Variants in CLSTN2 observed in about 807,000 individuals in gnomAD.
The protein encoded by CLSTN2 is calsyntenin 2.
Under a neutral mutation model 101.2 loss-of-function variants are expected in CLSTN2, and 48 were observed. That is an observed-to-expected ratio of 0.47 (90% CI 0.38 to 0.60). CLSTN2 has a LOEUF of 0.60. CLSTN2 is among the 20% of genes least tolerant of loss of function. CLSTN2 has a pLI of 0.00. For synonymous variants in CLSTN2, 481 were observed against 463.6 expected, an observed-to-expected ratio of 1.04 and a Z score of -0.48; for missense variants, 1,160 against 1,238.2, an observed-to-expected ratio of 0.94 and a Z score of 0.95.
chr3:140,514,688 C>A (rs1369443536), intron 8 of CLSTN2, among the ~76,000 whole-genome samples: 1 of 152,050 alleles, frequency 6.6e-6, no homozygotes, highest in Non-Finnish European at 1.5e-5. Context: ...ACTTTTAGTT[C>A]TTTGAGGGAT....
At chr3:140,366,888 G>A (rs1000719101) in intron 2 of CLSTN2, among the ~76,000 whole-genome samples, 3 of 152,196 alleles carry the variant, frequency 2.0e-5, no homozygotes, top group African/African-American at 7.2e-5. Flanking sequence ...TGAATGACAA[G>A]GCTGCTCTTA....
intron 2 of CLSTN2, among the ~76,000 whole-genome samples, chr3:140,193,261 G>GTTTTTTTTTTTTTTTTT (rs367933711): frequency 9.1e-5 from 8 of 87,442 alleles, no homozygotes; most frequent in East Asian, 7.3e-4. Flanking sequence ...CTTTTTTATA[G>GTTTTTTTTTTTTTTTTT]TTTTTTTTTT....
At position 140,518,954 on chromosome 3, in the gene CLSTN2, T is replaced by C. The variant is rs370382894; in HGVS notation, c.1345-13370T>C. On this transcript the variant is annotated intron_variant, in intron 8 of 16. Transcript: ENST00000458420. ...ACTTGATATCTTTCTAGCTTTTTGA[T>C]GTGGGCATTTAGTGCTATAAATTTC... is the stretch of plus-strand genomic sequence containing the variant. Among the ~76,000 whole-genome samples the C allele has an allele frequency of 7.9e-5, 12 of 152,244 alleles. No individual in the cohort carries two copies. The South Asian group carries it at 2.5e-3, about 32-fold the overall frequency.
chr3:140,210,868 C>T (rs1233739709), intron 2 of CLSTN2, among the ~76,000 whole-genome samples: 1 of 152,108 alleles, frequency 6.6e-6, no homozygotes, highest in East Asian at 1.9e-4. Context: ...ACCTAAATAG[C>T]TATGAATCTG....
Position 140,556,658 on chromosome 3 carries a change from T to C in CLSTN2, c.1820T>C (p.Val607Ala). 4 of 1,613,734 alleles carry C rather than the reference T, an allele frequency of 2.5e-6. No individual in the cohort carries two copies. Among genetic ancestry groups the C allele is most frequent in the Middle Eastern group, 3.3e-4 (2 of 6,050 alleles). The change falls in exon 11 of 17, where the codon GTC becomes GCC. Residue 607 changes from valine to alanine, a missense_variant. Physicochemically the swap from Val to Ala is moderately conservative, Grantham distance 64 (BLOSUM62 0). Coordinates refer to ENST00000458420, the MANE Select transcript of CLSTN2 (RefSeq NM_022131.3). ...GVRRLKVSSK[V>A]QCFGEDVCIS... ...CGGCGCCTCAAAGTATCCTCCAAAG[T>C]CCAGTGAGTGGACGCTGGTCAGCCT...
chr3:140,371,589 C>A (rs2087858114), intron 2 of CLSTN2, among the ~76,000 whole-genome samples: 1 of 152,156 alleles, frequency 6.6e-6, no homozygotes, highest in Non-Finnish European at 1.5e-5. Context: ...ACACTCAGAC[C>A]AGAGCCTCAA....
intron 5 of CLSTN2, among the ~76,000 whole-genome samples, chr3:140,447,109 C>A (rs554565675): frequency 6.6e-6 from 1 of 152,226 alleles, no homozygotes; most frequent in Non-Finnish European, 1.5e-5. Flanking sequence ...GTAACTGCAG[C>A]CTGATACTGA....
rs115494253 is a variant in CLSTN2 at position 140,278,294 on chromosome 3, G to A, written c.232+102221G>A. Among the ~76,000 whole-genome samples the A allele has an allele frequency of 2.6e-3, 389 of 152,224 alleles. 3 individuals carry two copies. Among genetic ancestry groups the A allele is most frequent in the African/African-American group, 8.8e-3 (365 of 41,550 alleles). ...GAGGTATGCATGGTCCTCACACAGG[G>A]CCCCGCCTCTTTTCTACCCTTCTTT... is the stretch of plus-strand genomic sequence containing the variant. On this transcript the variant is annotated intron_variant, in intron 2 of 16. Transcript: ENST00000458420.
At chr3:140,122,572 A>G (rs984460056) in intron 1 of CLSTN2, among the ~76,000 whole-genome samples, 5 of 152,232 alleles carry the variant, frequency 3.3e-5, no homozygotes, top group African/African-American at 1.2e-4. Flanking sequence ...TGTGTACCAC[A>G]TTAGCTCCCC....
At chr3:140,496,696 C>T (rs1279164492) in intron 8 of CLSTN2, among the ~76,000 whole-genome samples, 4 of 152,098 alleles carry the variant, frequency 2.6e-5, no homozygotes, top group Admixed American at 1.3e-4. Context: ...TTATCAAAGG[C>T]GCAGGGTGGG....
At chr3:140,300,292 G>C (rs1026727395) in intron 2 of CLSTN2, among the ~76,000 whole-genome samples, 6 of 152,190 alleles carry the variant, frequency 3.9e-5, no homozygotes, top group Admixed American at 6.5e-5. Context: ...TACAGGTCTT[G>C]CTGGTTCTTT....
intron 1 of CLSTN2, among the ~76,000 whole-genome samples, chr3:140,083,814 C>G (rs1040439580): frequency 3.3e-5 from 5 of 152,140 alleles, no homozygotes; most frequent in Admixed American, 6.5e-5. Context: ...CAGGACACCA[C>G]CAAGGGAATA....
intron 1 of CLSTN2, among the ~76,000 whole-genome samples, chr3:139,972,205 A>T (rs143963954): frequency 8.9e-4 from 136 of 152,158 alleles, no homozygotes; most frequent in African/African-American, 2.9e-3. Context: ...CGGAGGTTGC[A>T]GTGAGCCAAG....
intron 1 of CLSTN2, among the ~76,000 whole-genome samples, chr3:140,011,675 G>A (rs1016858378): frequency 2.0e-5 from 3 of 152,142 alleles, no homozygotes; most frequent in Non-Finnish European, 4.4e-5. Flanking sequence ...TTTGGTTCTT[G>A]TGTCCTAACA....
intron 3 of CLSTN2, among the ~76,000 whole-genome samples, chr3:140,404,109 C>A (rs952353701): frequency 4.6e-5 from 7 of 152,242 alleles, no homozygotes; most frequent in African/African-American, 7.2e-5. Flanking sequence ...AGCTGGCCCA[C>A]CCCCGCAGAC....
At chr3:140,032,551 G>T (rs1451789441) in intron 1 of CLSTN2, among the ~76,000 whole-genome samples, 2 of 152,000 alleles carry the variant, frequency 1.3e-5, no homozygotes, top group Non-Finnish European at 2.9e-5. Flanking sequence ...TGGCCAGGCT[G>T]GTCTCGAACT....
At chr3:140,135,630 T>C (rs1196433745) in intron 1 of CLSTN2, among the ~76,000 whole-genome samples, 2 of 152,212 alleles carry the variant, frequency 1.3e-5, no homozygotes, top group East Asian at 3.8e-4. Flanking sequence ...GCCTTTCATA[T>C]GCTGAGAGAG....
chr3:140,551,624 G>C (rs990258968), intron 10 of CLSTN2, among the ~76,000 whole-genome samples: 14 of 152,076 alleles, frequency 9.2e-5, no homozygotes, highest in Admixed American at 2.0e-4. Context: ...CACATCAGAG[G>C]CCACCTATTA....
intron 1 of CLSTN2, among the ~76,000 whole-genome samples, chr3:140,145,099 G>A (rs1205360704): frequency 1.3e-5 from 2 of 152,226 alleles, no homozygotes; most frequent in Non-Finnish European, 2.9e-5. Flanking sequence ...CAGAGGACAT[G>A]TCTTAACAAA....
Sources: allele counts gnomAD v4.1 joint callset (sites outside exome capture counted in the v4.1 genomes callset), GRCh38; gene constraint gnomAD v4.1.1; transcripts MANE v1.5; gene names NCBI Gene and HGNC (gene_info 2026-07-23, HGNC 2026-07-21).